The following PARM1 variants were observed in gnomAD, a reference collection of about 807,000 sequenced individuals.
PARM1 encodes the protein prostate androgen-regulated mucin-like protein 1, also known as WSC4, cell wall integrity and stress response component 4 homolog.
Under a neutral mutation model 24.6 loss-of-function variants are expected in PARM1, and 14 were observed. That is an observed-to-expected ratio of 0.57 (90% CI 0.38 to 0.89). PARM1 has a LOEUF of 0.89. PARM1 is among the 40% of genes least tolerant of loss of function. The pLI, the probability that PARM1 is intolerant of heterozygous loss-of-function variation, is 0.00. For missense variants in PARM1, 362 were observed against 380.4 expected (o/e 0.95, Z 0.40); for synonymous variants, 179 against 156.6 (o/e 1.14, Z -1.07).
At chr4:74,977,141 G>A (rs1722153439) in intron 1 of PARM1, among the ~76,000 whole-genome samples, 1 of 152,200 alleles carries the variant, frequency 6.6e-6, no homozygotes, top group African/African-American at 2.4e-5. Context: ...GCTTCAGAAG[G>A]TGGGTAATAA....
intron 1 of PARM1, among the ~76,000 whole-genome samples, chr4:74,974,992 T>G (rs963546813): frequency 2.0e-5 from 3 of 152,110 alleles, no homozygotes; most frequent in Non-Finnish European, 4.4e-5. Context: ...GCAAAAAATT[T>G]TTTGTTGTTT....
At chr4:74,946,770 C>T (rs1032594727) in intron 1 of PARM1, among the ~76,000 whole-genome samples, 2 of 152,182 alleles carry the variant, frequency 1.3e-5, no homozygotes, top group East Asian at 1.9e-4. Flanking sequence ...ACATTAAATA[C>T]GTTTAAACTC....
intron 1 of PARM1, among the ~76,000 whole-genome samples, chr4:74,992,804 A>G (rs1221998797): frequency 6.6e-6 from 1 of 152,192 alleles, no homozygotes; most frequent in Non-Finnish European, 1.5e-5. Context: ...CACAATCTGA[A>G]AGAATGCAGT....
chr4:75,041,315 G>C (rs1723479420), intron 3 of PARM1, among the ~76,000 whole-genome samples: 2 of 152,296 alleles, frequency 1.3e-5, no homozygotes, highest in South Asian at 4.1e-4. Context: ...AGAGTCTAAG[G>C]CTTAATTACT....
chr4:75,013,077 G>T lies in PARM1; in HGVS notation c.696G>T (p.Glu232Asp). ...CTGTGTCAGGCAAAGTGATGTGTGA[G>T]CTCATAGACATGGAGACCACCACCA... ...PTTVSGKVMC[E>D]LIDMETTTTF... is the part of the protein sequence containing the mutation. Residue 232 changes from glutamate to aspartate, a missense_variant, in exon 2 of 4, where the codon GAG (glutamate) becomes GAT (aspartate). Glu to Asp is a conservative substitution (Grantham distance 45). Transcript: ENST00000307428. The T allele has an allele frequency of 6.2e-7, 1 of 1,614,016 alleles. No individual in the cohort carries two copies. The highest frequency in any genetic ancestry group is 8.5e-7 in the Non-Finnish European group (1 of 1,179,892).
In PARM1 at chr4:75,012,829, T is replaced by A; in HGVS notation, c.448T>A (p.Ser150Thr). 2 of 1,613,754 alleles carry A rather than the reference T, an allele frequency of 1.2e-6. No homozygotes were observed. The highest frequency in any genetic ancestry group is 1.7e-6 in the Non-Finnish European group (2 of 1,179,830). Residue 150 changes from serine (S) to threonine (T), a missense_variant, in exon 2 of 4, where the codon TCC becomes ACC. Ser to Thr is a moderately conservative substitution (Grantham distance 58). Coordinates refer to ENST00000307428, the MANE Select transcript of PARM1 (RefSeq NM_015393.4). The part of the protein sequence containing the change: ...QSAAEPPTLI[S>T]PQAPASSPSS... ...CGCTGCTGAGCCTCCCACACTCATCTCCCCTCAAGCTCCAGCCTCATCACC... is the reference window on the plus strand; with the variant it reads ...CGCTGCTGAGCCTCCCACACTCATCACCCCTCAAGCTCCAGCCTCATCACC...
chr4:75,042,724 C>T (rs896964627), intron 3 of PARM1, among the ~76,000 whole-genome samples: 8 of 151,974 alleles, frequency 5.3e-5, no homozygotes, highest in South Asian at 2.1e-4. Flanking sequence ...TCTTATCACA[C>T]GTACAAAAAA....
intron 2 of PARM1, among the ~76,000 whole-genome samples, chr4:75,015,664 C>T (rs1722971412): frequency 6.6e-6 from 1 of 152,186 alleles, no homozygotes. Flanking sequence ...ACCTGGTAGG[C>T]AGAAGGATCT....
intron 1 of PARM1, among the ~76,000 whole-genome samples, chr4:74,962,287 ATAGT>A (rs568600321): frequency 4.5e-4 from 69 of 152,342 alleles, no homozygotes; most frequent in African/African-American, 1.6e-3. Context: ...CACAAAGAAA[ATAGT>A]TAAAGAACAT....
chr4:74,974,948 CCTGATCTCAGA>C (rs1223455296), intron 1 of PARM1, among the ~76,000 whole-genome samples: 1 of 152,102 alleles, frequency 6.6e-6, no homozygotes, highest in Non-Finnish European at 1.5e-5. Context: ...CTTTTGAGAC[CCTGATCTCAGA>C]CTTCTAGCCT....
rs148478454 is a variant in PARM1 at position 75,003,112 on chromosome 4, A to G, written c.44-9313A>G. Among the ~76,000 whole-genome samples, 133 of 152,252 alleles carry G rather than the reference A, an allele frequency of 8.7e-4. 2 individuals are homozygous for G. The highest frequency in any genetic ancestry group is 1.4e-3 in the Non-Finnish European group (96 of 68,008). On this transcript the variant is annotated intron_variant, in intron 1 of 3. Transcript: ENST00000307428. Reference sequence around the variant, plus strand: ...CATATCCACCTTCAACCACAAAGTGATGGAAGAGAAGCTGCTTGCCCTCCT... The same window carrying G: ...CATATCCACCTTCAACCACAAAGTGGTGGAAGAGAAGCTGCTTGCCCTCCT...
At chr4:74,935,917 C>T (rs934179940) in intron 1 of PARM1, among the ~76,000 whole-genome samples, 3 of 152,156 alleles carry the variant, frequency 2.0e-5, no homozygotes, top group South Asian at 2.1e-4. Flanking sequence ...TCCAGTTCCA[C>T]TGCAACCTCG....
Position 75,049,253 on chromosome 4 carries a change from G to T in PARM1, c.*3006G>T, listed in dbSNP as rs1484889645. 6.6e-6 allele frequency: 1 copy of T among 152,170 alleles called. No individual in the cohort carries two copies. Among genetic ancestry groups the T allele is most frequent in the East Asian group, 1.9e-4 (1 of 5,198 alleles). The allele number at this position is 152,170 out of a possible 1,614,324, so 9.4% of individuals were successfully genotyped here. On this transcript the variant is annotated 3_prime_UTR_variant, in exon 4 of 4. Transcript: ENST00000307428. ...GTGTCTTCATTTCTAAAATGGGGGT[G>T]ATGCTTTCATATTGACCTCACCCCA...
intron 1 of PARM1, chr4:74,967,544 T>C (rs1030032468): frequency 6.6e-6 from 1 of 152,206 alleles, no homozygotes; most frequent in African/African-American, 2.4e-5. Context: ...TGAAGGCTTA[T>C]AGTGGCACAT....
intron 1 of PARM1, among the ~76,000 whole-genome samples, chr4:74,937,165 C>G (rs1306735654): frequency 2.0e-5 from 3 of 152,192 alleles, no homozygotes; most frequent in African/African-American, 7.2e-5. Context: ...ATTTATGACT[C>G]TGTACTTGAT....
chr4:74,995,732 A>T (rs996413972), intron 1 of PARM1, among the ~76,000 whole-genome samples: 2 of 152,154 alleles, frequency 1.3e-5, no homozygotes, highest in African/African-American at 4.8e-5. Context: ...TTAGGCCAGA[A>T]CAGTGTCCTC....
intron 1 of PARM1, among the ~76,000 whole-genome samples, chr4:75,008,381 G>A (rs1320802258): frequency 6.6e-6 from 1 of 152,102 alleles, no homozygotes; most frequent in Non-Finnish European, 1.5e-5. Context: ...GATTAAACAA[G>A]AAAATGGATA....
intron 1 of PARM1, among the ~76,000 whole-genome samples, chr4:75,004,298 A>C (rs1578047070): frequency 1.3e-5 from 2 of 152,374 alleles, no homozygotes; most frequent in South Asian, 4.1e-4. Flanking sequence ...AGTTTTTATT[A>C]TCAGGGCTCC....
Position 74,936,648 on chromosome 4 carries a change from G to C in PARM1, c.43+3278G>C, listed in dbSNP as rs527583061. 3.2e-3 allele frequency among the ~76,000 whole-genome samples: 489 copies of C among 151,732 alleles called. 1 individual carries two copies. Among genetic ancestry groups the C allele is most frequent in the Middle Eastern group, 0.024 (7 of 294 alleles). ...TTTTTTGTATTTTTAGTAGAGACGG[G>C]GTTTCACCGTGTTAGCTAGGATGGT... is the stretch of plus-strand genomic sequence containing the variant. On this transcript the variant is annotated intron_variant, in intron 1 of 3. Coordinates refer to ENST00000307428, the MANE Select transcript of PARM1 (RefSeq NM_015393.4).
Sources: allele counts gnomAD v4.1 joint callset (sites outside exome capture counted in the v4.1 genomes callset), GRCh38; gene constraint gnomAD v4.1.1; transcripts MANE v1.5; gene names NCBI Gene and HGNC (gene_info 2026-07-23, HGNC 2026-07-21).